Variants in TOX2 observed in about 807,000 individuals in gnomAD.
The protein encoded by TOX2 is granulosa cell HMG box 1.
In TOX2, 15 loss-of-function variants were observed where a neutral mutation model predicts 47.4. The ratio of observed to expected loss-of-function variants is 0.32; its 90% CI spans 0.21 to 0.49. The LOEUF is 0.49. TOX2 is among the 20% of genes least tolerant of loss of function. The probability of loss-of-function intolerance (pLI) is 0.99; values close to 1 mark genes in which losing one functional copy is unlikely to be tolerated. For missense variants in TOX2, 622 were observed against 673.1 expected, an observed-to-expected ratio of 0.92 and a Z score of 0.84; for synonymous variants, 290 against 296.6, an observed-to-expected ratio of 0.98 and a Z score of 0.23.
At chr20:43,992,382 G>C (rs1038761688) in intron 2 of TOX2, among the ~76,000 whole-genome samples, 4 of 152,026 alleles carry the variant, frequency 2.6e-5, no homozygotes, top group Admixed American at 2.6e-4. Context: ...TACCTCCCTT[G>C]TAAGGCCTCC....
chr20:43,938,414 T>C (rs193300181), intron 1 of TOX2, among the ~76,000 whole-genome samples: 1 of 152,236 alleles, frequency 6.6e-6, no homozygotes, highest in Admixed American at 6.5e-5. Flanking sequence ...TATTACTTAA[T>C]AGTAAAATGC....
intron 1 of TOX2, among the ~76,000 whole-genome samples, chr20:43,951,707 G>GGTTCTTTTTTTTTTTTTTTTT (rs745489872): frequency 1.8e-5 from 1 of 55,098 alleles, no homozygotes; most frequent in African/African-American, 5.4e-5. Context: ...AACTTATTAT[G>GGTTCTTTTTTTTTTTTTTTTT]TTTTTTTTTT....
In TOX2 at chr20:43,959,685, C is replaced by T. The variant is rs970513914; in HGVS notation, c.100-13682C>T. ...ATCTGCTCATTGTCTCAGTCACACT[C>T]GTTCCCCCCACACCACAGTGCAACC... is the stretch of plus-strand genomic sequence containing the variant. On this transcript the variant is annotated intron_variant, in intron 1 of 8. Coordinates refer to ENST00000341197, the MANE Select transcript of TOX2 (RefSeq NM_001098797.2). Among the ~76,000 whole-genome samples the T allele has an allele frequency of 1.1e-4, 16 of 152,370 alleles. 1 individual carries two copies. In the South Asian group the frequency reaches 2.7e-3, roughly 26 times the overall value.
intron 3 of TOX2, among the ~76,000 whole-genome samples, chr20:44,036,265 G>A (rs1569120143): frequency 6.6e-6 from 1 of 152,212 alleles, no homozygotes; most frequent in Non-Finnish European, 1.5e-5. Flanking sequence ...CCAGCACAGG[G>A]CTTGGCCAAG....
intron 1 of TOX2, among the ~76,000 whole-genome samples, chr20:43,932,227 C>T (rs2069260768): frequency 6.6e-6 from 1 of 152,148 alleles, no homozygotes; most frequent in Non-Finnish European, 1.5e-5. Context: ...GAGAAAGTGC[C>T]CATTTTATCC....
At chr20:43,921,662 CT>C (rs1277884234) in intron 1 of TOX2, among the ~76,000 whole-genome samples, 18 of 148,078 alleles carry the variant, frequency 1.2e-4, no homozygotes, top group Admixed American at 2.0e-4. Context: ...TCTTCTTCTT[CT>C]TTTTTTTTTT....
At chr20:43,995,606 T>A (rs535083671) in intron 2 of TOX2, among the ~76,000 whole-genome samples, 81 of 152,304 alleles carry the variant, frequency 5.3e-4, no homozygotes, top group Middle Eastern at 3.4e-3. Flanking sequence ...TACGGATTAT[T>A]TTGTCACCCA....
chr20:43,961,349 G>A (rs1270729178), intron 1 of TOX2, among the ~76,000 whole-genome samples: 1 of 152,182 alleles, frequency 6.6e-6, no homozygotes, highest in African/African-American at 2.4e-5. Flanking sequence ...TGATGGGTGG[G>A]AGGCAGCCTG....
intron 2 of TOX2, among the ~76,000 whole-genome samples, chr20:43,982,984 C>A (rs926863350): frequency 5.3e-5 from 8 of 151,982 alleles, no homozygotes; most frequent in African/African-American, 7.2e-5. Context: ...AATGACACTG[C>A]ACAATTGAAC....
chr20:43,930,877 T>A (rs2069243411), intron 1 of TOX2, among the ~76,000 whole-genome samples: 1 of 152,246 alleles, frequency 6.6e-6, no homozygotes. Flanking sequence ...TTCTTAATAC[T>A]CAAGGCTTGC....
At chr20:44,068,444 C>T (rs942707329) in intron 8 of TOX2, among the ~76,000 whole-genome samples, 3 of 151,726 alleles carry the variant, frequency 2.0e-5, no homozygotes, top group Non-Finnish European at 4.4e-5. Context: ...ACCGGGTGGT[C>T]CCCTGCTGGG....
rs941859264 is a variant in TOX2, at chr20:44,069,103, G to A, written c.*417G>A. 5.5e-6 allele frequency: 2 copies of A among 366,876 alleles called. No individual in the cohort carries two copies. The highest frequency in any genetic ancestry group is 1.1e-5 in the Non-Finnish European group (2 of 187,384). 22.7% of individuals were successfully genotyped at this position (366,876 alleles called of 1,614,324 possible). On this transcript the variant is annotated 3_prime_UTR_variant, in exon 9 of 9. Transcript: ENST00000341197. The stretch of plus-strand genomic sequence containing the variant: ...GGCCCCCGGCATAGATGTGCACATC[G>A]GTTTTCCAGTGTGAACAAAAGATTA...
At chr20:44,067,507 G>T (rs925848870) in intron 8 of TOX2, among the ~76,000 whole-genome samples, 1 of 152,112 alleles carries the variant, frequency 6.6e-6, no homozygotes, top group East Asian at 1.9e-4. Flanking sequence ...AGGGGACCTC[G>T]GTGGGACACG....
intron 2 of TOX2, among the ~76,000 whole-genome samples, chr20:43,992,117 G>A (rs1022745669): frequency 1.3e-5 from 2 of 152,306 alleles, no homozygotes; most frequent in African/African-American, 4.8e-5. Flanking sequence ...CGAGGGAGTT[G>A]AGATCTGGGA....
At chr20:44,002,267 C>A (rs953868876) in intron 2 of TOX2, among the ~76,000 whole-genome samples, 16 of 152,148 alleles carry the variant, frequency 1.1e-4, no homozygotes, top group Non-Finnish European at 2.4e-4. Context: ...ATATTCATGA[C>A]CACCTGCAAC....
rs73624014 is a variant in TOX2, at chr20:44,005,835, GGT to G, written c.166-710_166-709del. ...ACCTGTGGCAAATGGCATCCTTTGTGGTGAAATATTGAGCTCTTTAAGATAAG... is the reference window on the plus strand; with the variant it reads ...ACCTGTGGCAAATGGCATCCTTTGTGGAAATATTGAGCTCTTTAAGATAAG... On this transcript the variant is annotated intron_variant, in intron 2 of 8. Coordinates refer to ENST00000341197, the MANE Select transcript of TOX2 (RefSeq NM_001098797.2). Among the ~76,000 whole-genome samples, 874 of 152,180 alleles carry G rather than the reference GGT, an allele frequency of 5.7e-3. 48 individuals are homozygous for G. The East Asian group carries it at 0.13, about 22-fold the overall frequency.
intron 1 of TOX2, among the ~76,000 whole-genome samples, chr20:43,928,981 G>GAAAACA (rs1555829642): frequency 2.3e-5 from 2 of 86,118 alleles, no homozygotes; most frequent in African/African-American, 9.9e-5. Flanking sequence ...CTAAAAATAT[G>GAAAACA]AAAAAAAAAA....
intron 1 of TOX2, among the ~76,000 whole-genome samples, chr20:43,932,039 AG>A (rs1306732397): frequency 6.6e-6 from 1 of 152,090 alleles, no homozygotes; most frequent in Non-Finnish European, 1.5e-5. Flanking sequence ...AGGTAACAGG[AG>A]GGAAGATGTA....
intron 3 of TOX2, among the ~76,000 whole-genome samples, chr20:44,027,081 T>C (rs2071079602): frequency 6.6e-6 from 1 of 152,222 alleles, no homozygotes; most frequent in Non-Finnish European, 1.5e-5. Flanking sequence ...TGAATATTCA[T>C]GAGCTGACTG....
Sources: allele counts gnomAD v4.1 joint callset (sites outside exome capture counted in the v4.1 genomes callset), GRCh38; gene constraint gnomAD v4.1.1; transcripts MANE v1.5; gene names NCBI Gene and HGNC (gene_info 2026-07-23, HGNC 2026-07-21).